CFHR5: variants seen among roughly 807,000 people sequenced by gnomAD.
The protein encoded by CFHR5 is complement factor H related 5.
In CFHR5, 73 loss-of-function variants were observed where a neutral mutation model predicts 62.9. That is an observed-to-expected ratio of 1.16 (90% CI 0.96 to 1.41). The LOEUF (loss-of-function observed/expected upper bound fraction) is 1.41. CFHR5 is among the 40% of genes most tolerant of loss of function. CFHR5 has a pLI of 0.00. For missense variants in CFHR5, 779 were observed against 679.9 expected (o/e 1.15, Z -1.62); for synonymous variants, 249 against 227.2 (o/e 1.10, Z -0.86).
intron 8 of CFHR5, among the ~76,000 whole-genome samples, 200 bp downstream of exon 8, chr1:197,002,864 T>G (rs546138072): frequency 1.3e-5 from 2 of 152,314 alleles, no homozygotes; most frequent in East Asian, 3.9e-4. Context: ...AGAAACAAGT[T>G]TGAAATTTCT....
chr1:197,002,641 G>A lies in CFHR5; in HGVS notation c.1307G>A (p.Trp436Ter). Reference protein sequence around the residue: ...AKEIVCKDGRWQSLPRCVEST... With the variant: ...AKEIVCKDGR ...GAAATTGTATGTAAAGATGGACGAT[G>A]GCAATCATTACCACGCTGTGTTGGT... is the stretch of plus-strand genomic sequence containing the variant. Residue 436 changes from tryptophan (W) to a stop codon, truncating the protein, a stop_gained, in exon 8 of 10, where the codon TGG becomes TAG. Transcript: ENST00000256785. LOFTEE classifies it high-confidence loss of function. 6.2e-7 allele frequency: 1 copy of A among 1,613,406 alleles called. No individual in the cohort carries two copies. The highest frequency in any genetic ancestry group is 8.5e-7 in the Non-Finnish European group (1 of 1,179,612).
intron 3 of CFHR5, among the ~76,000 whole-genome samples, chr1:196,991,818 T>C (rs1323903052): frequency 1.3e-5 from 2 of 152,072 alleles, no homozygotes; most frequent in South Asian, 2.1e-4. Flanking sequence ...CTGGGAGGTG[T>C]CTCCCAGTTA....
In CFHR5 at chr1:196,982,772, G is replaced by T. The variant is rs544847415; in HGVS notation, c.59-113G>T. On this transcript the variant is annotated intron_variant, in intron 1 of 9. Coordinates refer to ENST00000256785, the MANE Select transcript of CFHR5 (RefSeq NM_030787.4). ...ACACTGGAAAGCATTTAAGCTAAAG[G>T]CATTTAAGCTGAATGAAAAACAAAA... 30 of 898,660 alleles carry T rather than the reference G, an allele frequency of 3.3e-5. No homozygotes were observed. The East Asian group carries it at 6.6e-4, about 20-fold the overall frequency. 55.7% of individuals were successfully genotyped at this position (898,660 alleles called of 1,614,324 possible).
intron 9 of CFHR5, among the ~76,000 whole-genome samples, chr1:197,007,886 G>C (rs1292284690): frequency 6.8e-6 from 1 of 146,114 alleles, no homozygotes; most frequent in African/African-American, 2.5e-5. Flanking sequence ...GATATAAATT[G>C]TATGTAACAT....
At chr1:197,002,687 A>G in intron 8 of CFHR5, 23 bp downstream of exon 8, 2 of 1,589,296 alleles carry the variant, frequency 1.3e-6, no homozygotes, top group South Asian at 2.2e-5. Flanking sequence ...TTTCTAAGTA[A>G]TTTCACTTAA....
intron 2 of CFHR5, 23 bp from the exon 3 acceptor site, chr1:196,983,938 A>G (rs367909871): frequency 2.9e-5 from 46 of 1,577,304 alleles, no homozygotes; most frequent in East Asian, 1.6e-4. Context: ...CATCTTGTAC[A>G]TTAATCAATT....
chr1:197,006,484 G>C (rs1384349979), intron 9 of CFHR5, among the ~76,000 whole-genome samples: 1 of 152,084 alleles, frequency 6.6e-6, no homozygotes, highest in Non-Finnish European at 1.5e-5. Flanking sequence ...GCCAAGGCAG[G>C]AAGAATCACC....
chr1:197,003,200 G>A (rs1049000391), intron 8 of CFHR5, among the ~76,000 whole-genome samples: 3 of 152,108 alleles, frequency 2.0e-5, no homozygotes, highest in Admixed American at 6.5e-5. Flanking sequence ...TCACAATAGG[G>A]TTCAAGATCC....
Position 197,008,903 on chromosome 1 carries a change from A to G in CFHR5, c.*220A>G. The G allele has an allele frequency of 2.0e-6, 1 of 512,226 alleles. No homozygotes were observed. Among genetic ancestry groups the G allele is most frequent in the South Asian group, 2.2e-5 (1 of 45,712 alleles). 31.7% of individuals were successfully genotyped at this position (512,226 alleles called of 1,614,324 possible). On this transcript the variant is annotated 3_prime_UTR_variant, in exon 10 of 10. Coordinates refer to ENST00000256785, the MANE Select transcript of CFHR5 (RefSeq NM_030787.4). ...GTCTTAGTCCATATTACATTGTTATAACAGAGTATCACAGACTGGATAACT... is the reference window on the plus strand; with the variant it reads ...GTCTTAGTCCATATTACATTGTTATGACAGAGTATCACAGACTGGATAACT...
chr1:196,986,934 G>T (rs1653698538), intron 3 of CFHR5, among the ~76,000 whole-genome samples: 1 of 152,120 alleles, frequency 6.6e-6, no homozygotes, highest in South Asian at 2.1e-4. Context: ...GATCCTTGAG[G>T]AATTGCCACA....
chr1:196,987,082 C>A (rs1487643009), intron 3 of CFHR5, among the ~76,000 whole-genome samples: 3 of 152,216 alleles, frequency 2.0e-5, no homozygotes, highest in Non-Finnish European at 4.4e-5. Context: ...GAGATGGTAT[C>A]TCATTGTGGT....
At chr1:196,995,650 T>C in intron 4 of CFHR5, 67 bp from the exon 5 acceptor site, 1 of 1,403,838 alleles carries the variant, frequency 7.1e-7, no homozygotes, top group Non-Finnish European at 1.0e-6. Context: ...GTCAAAAATT[T>C]AGTAACTCCA....
rs756599015 is a variant in CFHR5 at position 196,998,323 on chromosome 1, AT to A, written c.1147+23del. On this transcript the variant is annotated intron_variant, in intron 7 of 9. Coordinates refer to ENST00000256785, the MANE Select transcript of CFHR5 (RefSeq NM_030787.4). ...TGCACAGGTAAGATTTGTTTAAAAC[AT>A]TTTGTTGATCTTGTTGCTTCTTTAC... 5 of 1,592,920 alleles carry A rather than the reference AT, an allele frequency of 3.1e-6. No individual in the cohort carries two copies.
In CFHR5 at chr1:196,983,018, A is replaced by G; in HGVS notation, c.192A>G (p.Lys64=). The change falls in exon 2 of 10, where the codon AAA becomes AAG. Residue 64 remains lysine, a synonymous_variant. Coordinates refer to ENST00000256785, the MANE Select transcript of CFHR5 (RefSeq NM_030787.4). ...SCEYNFVSPS[K]SFWTRITCTE... ...AATATAATTTTGTGTCTCCTTCAAA[A>G]TCCTTTTGGACTCGCATAACATGCA... 2 of 1,614,074 alleles carry G rather than the reference A, an allele frequency of 1.2e-6. No homozygotes were observed. The highest frequency in any genetic ancestry group is 8.5e-7 in the Non-Finnish European group (1 of 1,180,022).
chr1:196,984,161 GTTT>G, intron 3 of CFHR5, 24 bp downstream of exon 3: 1 of 1,595,692 alleles, frequency 6.3e-7, no homozygotes, highest in African/African-American at 1.3e-5. Context: ...CACTCTCTCA[GTTT>G]TGCTAATTAT....
At position 197,008,980 on chromosome 1, in the gene CFHR5, A is replaced by G. The variant is rs942968411; in HGVS notation, c.*297A>G. 3 of 288,398 alleles carry G rather than the reference A, an allele frequency of 1.0e-5. No homozygotes were observed. The highest frequency in any genetic ancestry group is 4.5e-5 in the Admixed American group (1 of 22,170). The allele number at this position is 288,398 out of a possible 1,614,324, so 17.9% of individuals were successfully genotyped here. On this transcript the variant is annotated 3_prime_UTR_variant, in exon 10 of 10. Coordinates refer to ENST00000256785, the MANE Select transcript of CFHR5 (RefSeq NM_030787.4). ...AAATCTAAAAGCTGAGAAGTCCAAG[A>G]TGGTGGGGCTGCCTCTGGTGAGGGT...
intron 9 of CFHR5, among the ~76,000 whole-genome samples, chr1:197,007,804 A>G (rs1571531579): frequency 1.4e-5 from 2 of 147,644 alleles, no homozygotes; most frequent in African/African-American, 2.5e-5. Context: ...TACATTATAT[A>G]TAATCCATAT....
intron 3 of CFHR5, among the ~76,000 whole-genome samples, chr1:196,988,996 G>T (rs1653769663): frequency 6.6e-6 from 1 of 151,532 alleles, no homozygotes; most frequent in Non-Finnish European, 1.5e-5. Flanking sequence ...AATCTGTCTG[G>T]TCCTGAACTT....
rs1253017972 is a variant in CFHR5 at position 197,009,536 on chromosome 1, C to CT, written c.*855dup. 2 of 152,124 alleles carry CT rather than the reference C, an allele frequency of 1.3e-5. No individual in the cohort carries two copies. Among genetic ancestry groups the CT allele is most frequent in the African/African-American group, 4.8e-5 (2 of 41,414 alleles). 9.4% of individuals were successfully genotyped at this position (152,124 alleles called of 1,614,324 possible). A position where few individuals can be genotyped will look rare whatever the true frequency, so the allele number is the denominator to read the frequency against. On this transcript the variant is annotated 3_prime_UTR_variant, in exon 10 of 10. Transcript: ENST00000256785. ...AGTCTCTATCTTCATGTTATTATCA[C>CT]TTAAAAACCTGCGAAAGCTGTCAAC...
Sources: allele counts gnomAD v4.1 joint callset (sites outside exome capture counted in the v4.1 genomes callset), GRCh38; gene constraint gnomAD v4.1.1; transcripts MANE v1.5; gene names NCBI Gene and HGNC (gene_info 2026-07-23, HGNC 2026-07-21).